Variants in PDE4D observed in about 807,000 individuals in gnomAD.
PDE4D encodes the protein 3',5'-cyclic-AMP phosphodiesterase 4D.
A neutral mutation model predicts 87.4 loss-of-function variants in PDE4D; 24 were observed. The ratio of observed to expected loss-of-function variants is 0.27; its 90% CI spans 0.20 to 0.39. PDE4D has a LOEUF of 0.39. PDE4D is among the 10% of genes least tolerant of loss of function. The pLI is 1.00. For synonymous variants in PDE4D, 384 were observed against 383.2 expected (o/e 1.00, Z -0.02); for missense variants, 714 against 1,041.0 (o/e 0.69, Z 4.32).
chr5:59,254,300 T>C (rs1176968492), intron 1 of PDE4D, among the ~76,000 whole-genome samples: 5 of 152,096 alleles, frequency 3.3e-5, no homozygotes, highest in African/African-American at 1.2e-4. Flanking sequence ...TTCACTCAGA[T>C]GTCTACCCTA....
chr5:59,916,171 C>T (rs1408664919), intron 3 of PDE4D, among the ~76,000 whole-genome samples: 4 of 152,084 alleles, frequency 2.6e-5, no homozygotes, highest in Admixed American at 1.3e-4. Flanking sequence ...ACAATGGTGG[C>T]CCTCCCCTGC....
chr5:59,897,992 T>C (rs1751843505), upstream of PDE4D, among the ~76,000 whole-genome samples: 1 of 152,202 alleles, frequency 6.6e-6, no homozygotes, highest in Non-Finnish European at 1.5e-5. Context: ...ATATTGTCAG[T>C]ATTGCCAGTA....
At chr5:60,293,640 T>A (rs79611865) in intron 1 of PDE4D, among the ~76,000 whole-genome samples, 14,862 of 152,248 alleles carry the variant, frequency 0.098, 877 homozygotes, top group African/African-American at 0.16. Context: ...CCTTTTTCCC[T>A]TTTTCTAACC....
At chr5:59,680,604 C>T (rs893765939) in intron 1 of PDE4D, among the ~76,000 whole-genome samples, 6 of 152,028 alleles carry the variant, frequency 3.9e-5, no homozygotes, top group Admixed American at 2.6e-4. Flanking sequence ...AAAGAACTAA[C>T]CAAGTGAATT....
intron 1 of PDE4D, among the ~76,000 whole-genome samples, chr5:59,253,050 A>G (rs557123043): frequency 6.6e-6 from 1 of 152,264 alleles, no homozygotes; most frequent in Non-Finnish European, 1.5e-5. Flanking sequence ...TAGTCACATT[A>G]TACATAAAAA....
chr5:59,653,207 A>ATTT (rs1561410700), intron 1 of PDE4D, among the ~76,000 whole-genome samples: 2 of 64,380 alleles, frequency 3.1e-5, no homozygotes, highest in African/African-American at 9.2e-5. Flanking sequence ...CAAAAAAAAA[A>ATTT]ATTTTTTTTT....
intron 1 of PDE4D, among the ~76,000 whole-genome samples, chr5:59,736,970 T>C (rs1758158591): frequency 6.6e-6 from 1 of 152,204 alleles, no homozygotes; most frequent in Non-Finnish European, 1.5e-5. Context: ...AATTACCTGT[T>C]AACAAATATT....
At chr5:60,500,004 G>T (rs1360130201) in intron 1 of PDE4D, among the ~76,000 whole-genome samples, 1 of 151,936 alleles carries the variant, frequency 6.6e-6, no homozygotes, top group East Asian at 1.9e-4. Flanking sequence ...CTCCAAATAT[G>T]ATCAAAAAGA....
chr5:59,183,079 A>AT (rs1491186004), intron 4 of PDE4D, among the ~76,000 whole-genome samples: 1 of 152,206 alleles, frequency 6.6e-6, no homozygotes, highest in African/African-American at 2.4e-5. Context: ...CAGGGTCATC[A>AT]TGTGATGAGG....
chr5:59,070,532 G>T (rs1298089931), intron 5 of PDE4D, among the ~76,000 whole-genome samples: 1 of 152,088 alleles, frequency 6.6e-6, no homozygotes, highest in African/African-American at 2.4e-5. Flanking sequence ...ATTTACCTTT[G>T]CAACACTTCA....
intron 1 of PDE4D, among the ~76,000 whole-genome samples, chr5:60,418,362 G>C (rs1412424841): frequency 6.6e-6 from 1 of 152,062 alleles, no homozygotes; most frequent in African/African-American, 2.4e-5. Flanking sequence ...GACTAAAATG[G>C]AAATAAAATT....
intron 2 of PDE4D, among the ~76,000 whole-genome samples, chr5:60,001,972 C>A (rs1394755524): frequency 6.7e-6 from 1 of 148,994 alleles, no homozygotes; most frequent in African/African-American, 2.5e-5. Flanking sequence ...CACAAGACAG[C>A]AACAACAAAA....
At chr5:59,818,202 T>G (rs1000024696) in intron 1 of PDE4D, among the ~76,000 whole-genome samples, 9 of 152,314 alleles carry the variant, frequency 5.9e-5, no homozygotes, top group African/African-American at 1.9e-4. Context: ...ACTGTTCTCT[T>G]GCAGAGAGGA....
At chr5:60,292,515 A>G (rs1227130056) in intron 1 of PDE4D, among the ~76,000 whole-genome samples, 1 of 152,222 alleles carries the variant, frequency 6.6e-6, no homozygotes, top group East Asian at 1.9e-4. Flanking sequence ...AAACAATATA[A>G]AACACACTTC....
chr5:59,587,688 G>T (rs1825371115), intron 1 of PDE4D: 2 of 907,614 alleles, frequency 2.2e-6, no homozygotes, highest in South Asian at 1.0e-4. Context: ...CGTCAAGGGG[G>T]CCCTCTAGGT....
rs16890228 is a variant in PDE4D at position 59,815,621 on chromosome 5, T to C, written c.455+77547A>G. Among the ~76,000 whole-genome samples the C allele has an allele frequency of 8.0e-3, 1,215 of 152,294 alleles. 44 individuals carry two copies. In the East Asian group the frequency reaches 0.12, roughly 15 times the overall value. Reference sequence around the variant, plus strand: ...ACAAATCCAGCTGAGACTAGTGCCATGCAATTGTTAGCTAGTGTTCCTGGT... The same window carrying C: ...ACAAATCCAGCTGAGACTAGTGCCACGCAATTGTTAGCTAGTGTTCCTGGT... On this transcript the variant is annotated intron_variant, in intron 1 of 14. Transcript: ENST00000340635.
intron 1 of PDE4D, among the ~76,000 whole-genome samples, chr5:60,276,977 A>C (rs4515249): frequency 0.13 from 20,370 of 151,766 alleles, 1,431 homozygotes; most frequent in South Asian, 0.3. Context: ...GTTAGGTCAT[A>C]TTTTTTATTC....
chr5:60,312,356 C>A (rs1000405356), intron 1 of PDE4D, among the ~76,000 whole-genome samples: 4 of 152,180 alleles, frequency 2.6e-5, no homozygotes, highest in African/African-American at 9.6e-5. Context: ...CACTTTCAGA[C>A]CACAGCTTAA....
At chr5:60,168,575 A>T (rs964125250) in intron 2 of PDE4D, among the ~76,000 whole-genome samples, 1 of 152,190 alleles carries the variant, frequency 6.6e-6, no homozygotes, top group African/African-American at 2.4e-5. Context: ...TTGGTTTCAC[A>T]ACTTCCAGTG....
Sources: gnomAD v4.1 joint callset for allele counts (sites outside exome capture counted in the v4.1 genomes callset) on GRCh38, gnomAD v4.1.1 for gene constraint, MANE v1.5 for transcripts, NCBI Gene and HGNC (gene_info 2026-07-23, HGNC 2026-07-21) for gene names.